The following CNTNAP2 variants were observed in gnomAD, a reference collection of about 807,000 sequenced individuals.
CNTNAP2 encodes the protein contactin associated protein 2.
In CNTNAP2, 98 loss-of-function variants were observed where a neutral mutation model predicts 155.2. The ratio of observed to expected loss-of-function variants is 0.63; its 90% CI spans 0.54 to 0.75. The LOEUF is 0.75. Ranked by LOEUF, CNTNAP2 falls within the 30% of genes least tolerant of loss-of-function variation. The probability of loss-of-function intolerance (pLI) is 0.00; values close to 1 mark genes in which losing one functional copy is unlikely to be tolerated. For synonymous variants in CNTNAP2, 651 were observed against 631.2 expected (o/e 1.03, Z -0.47); for missense variants, 1,727 against 1,688.1 (o/e 1.02, Z -0.40).
chr7:147,597,411 C>T (rs1440263166), intron 12 of CNTNAP2, among the ~76,000 whole-genome samples: 4 of 152,166 alleles, frequency 2.6e-5, no homozygotes. Flanking sequence ...CATGTTCACC[C>T]TAAGGAGATC....
At chr7:148,271,217 A>T (rs550324056) in intron 21 of CNTNAP2, among the ~76,000 whole-genome samples, 64 of 152,342 alleles carry the variant, frequency 4.2e-4, no homozygotes, top group South Asian at 1.2e-3. Flanking sequence ...CTCGTTGTAT[A>T]GAATAAGGAG....
rs556396953 is a variant in CNTNAP2 at position 147,864,670 on chromosome 7, A to G, written c.2099-38895A>G. Among the ~76,000 whole-genome samples, 3 of 151,994 alleles carry G rather than the reference A, an allele frequency of 2.0e-5. No individual in the cohort carries two copies. The East Asian group carries it at 5.8e-4, about 29-fold the overall frequency. The stretch of plus-strand genomic sequence containing the variant: ...TCCCTTGTAAGTTGGATTCCTGGGT[A>G]TTTTATTTTCTTTGAAGCAATTGTG... On this transcript the variant is annotated intron_variant, in intron 13 of 23. Coordinates refer to ENST00000361727, the MANE Select transcript of CNTNAP2 (RefSeq NM_014141.6).
At chr7:146,822,839 A>C (rs1455010738) in intron 2 of CNTNAP2, among the ~76,000 whole-genome samples, 1 of 149,630 alleles carries the variant, frequency 6.7e-6, no homozygotes, top group Non-Finnish European at 1.5e-5. Flanking sequence ...ATATAAATAT[A>C]CTCGTTCTTC....
chr7:146,952,037 A>C (rs937287889), intron 3 of CNTNAP2, among the ~76,000 whole-genome samples: 4 of 152,150 alleles, frequency 2.6e-5, no homozygotes, highest in African/African-American at 9.7e-5. Context: ...TCAATAAAAT[A>C]CTGGCAAACC....
intron 13 of CNTNAP2, among the ~76,000 whole-genome samples, chr7:147,791,811 T>C (rs896112241): frequency 1.3e-5 from 2 of 152,124 alleles, no homozygotes; most frequent in East Asian, 1.9e-4. Flanking sequence ...TTCAGGAACA[T>C]GCGCCATACA....
rs887076742 is a variant in CNTNAP2 at position 148,406,510 on chromosome 7, T to C, written c.3716-2881T>C. Among the ~76,000 whole-genome samples, 5 of 152,214 alleles carry C rather than the reference T, an allele frequency of 3.3e-5. No homozygotes were observed. The East Asian group carries it at 9.6e-4, about 29-fold the overall frequency. ...AAACTGTCTGCAAGCTGGGACTTCC[T>C]CAACCCTTCAACTCCTTGTCCCTTT... On this transcript the variant is annotated intron_variant, in intron 22 of 23. Coordinates refer to ENST00000361727, the MANE Select transcript of CNTNAP2 (RefSeq NM_014141.6).
chr7:146,509,546 G>C (rs1797435172), intron 1 of CNTNAP2, among the ~76,000 whole-genome samples: 1 of 152,094 alleles, frequency 6.6e-6, no homozygotes, highest in South Asian at 2.1e-4. Flanking sequence ...CCACCCCTGG[G>C]GCCTCAATGA....
intron 13 of CNTNAP2, among the ~76,000 whole-genome samples, chr7:147,640,731 CAAGA>C (rs202160724): frequency 0.016 from 2,408 of 151,904 alleles, 204 homozygotes; most frequent in Admixed American, 0.14. Flanking sequence ...GTTTAACAGG[CAAGA>C]AAGAAGGAAG....
chr7:147,716,423 G>A (rs1796482184), intron 13 of CNTNAP2, among the ~76,000 whole-genome samples: 1 of 152,026 alleles, frequency 6.6e-6, no homozygotes, highest in South Asian at 2.1e-4. Context: ...TCTACATAGG[G>A]CACAAAAAAA....
At chr7:148,111,487 C>A (rs1489305497) in intron 15 of CNTNAP2, among the ~76,000 whole-genome samples, 1 of 150,614 alleles carries the variant, frequency 6.6e-6, no homozygotes. Context: ...GAGGAAATTT[C>A]CAAAGAAGTA....
chr7:146,312,721 C>T (rs1251457469), intron 1 of CNTNAP2, among the ~76,000 whole-genome samples: 1 of 152,172 alleles, frequency 6.6e-6, no homozygotes, highest in Non-Finnish European at 1.5e-5. Context: ...TCTCTTCCCT[C>T]CACTCCTAGT....
At chr7:148,110,779 A>G (rs1804332060) in intron 15 of CNTNAP2, among the ~76,000 whole-genome samples, 1 of 152,088 alleles carries the variant, frequency 6.6e-6, no homozygotes, top group Non-Finnish European at 1.5e-5. Context: ...TGACTGTCCT[A>G]CTCTACCCAT....
intron 13 of CNTNAP2, among the ~76,000 whole-genome samples, chr7:147,732,024 A>T (rs1056584717): frequency 6.6e-6 from 1 of 151,590 alleles, no homozygotes; most frequent in Admixed American, 6.6e-5. Context: ...CCAGATGAGC[A>T]AAGAAATTGG....
Position 147,562,180 on chromosome 7 carries a change from A to G in CNTNAP2, c.1820A>G (p.Gln607Arg), listed in dbSNP as rs1345972047. The G allele has an allele frequency of 1.2e-6, 2 of 1,614,028 alleles. No homozygotes were observed. Among genetic ancestry groups the G allele is most frequent in the South Asian group, 1.1e-5 (1 of 91,088 alleles). ...PSCEAYKHLG[Q>R]TSNYYWIDPD... ...TGTGAAGCCTACAAACACCTAGGACAGACATCAAATTATTACTGGATAGAT... is the reference window on the plus strand; with the variant it reads ...TGTGAAGCCTACAAACACCTAGGACGGACATCAAATTATTACTGGATAGAT... Residue 607 changes from glutamine to arginine, a missense_variant, in exon 12 of 24, where the codon CAG becomes CGG. Physicochemically the swap from Gln to Arg is conservative, Grantham distance 43. Transcript: ENST00000361727.
At chr7:147,448,746 T>G (rs1464164602) in intron 10 of CNTNAP2, among the ~76,000 whole-genome samples, 5 of 152,012 alleles carry the variant, frequency 3.3e-5, no homozygotes, top group African/African-American at 7.2e-5. Context: ...ATCTGAAAAT[T>G]TATACTTATG....
chr7:147,831,102 T>G (rs1477568570), intron 13 of CNTNAP2, among the ~76,000 whole-genome samples: 1 of 152,104 alleles, frequency 6.6e-6, no homozygotes, highest in Non-Finnish European at 1.5e-5. Context: ...TGCCTGGTAA[T>G]ATGAGAACAA....
At chr7:147,277,932 T>C (rs533257500) in intron 8 of CNTNAP2, among the ~76,000 whole-genome samples, 7 of 151,964 alleles carry the variant, frequency 4.6e-5, no homozygotes, top group African/African-American at 1.7e-4. Flanking sequence ...TTTCAACTGG[T>C]ACCTCTGGTC....
chr7:147,182,562 A>G (rs562940900), intron 8 of CNTNAP2, among the ~76,000 whole-genome samples: 2 of 152,082 alleles, frequency 1.3e-5, no homozygotes, highest in East Asian at 3.9e-4. Flanking sequence ...TTCCATATTT[A>G]CTCTCTATTC....
intron 8 of CNTNAP2, among the ~76,000 whole-genome samples, chr7:147,180,959 C>A (rs774692239): frequency 5.3e-5 from 8 of 152,090 alleles, no homozygotes; most frequent in Non-Finnish European, 1.0e-4. Flanking sequence ...AATTGCATTT[C>A]TATAACAAAC....
Sources: gnomAD v4.1 joint callset for allele counts (sites outside exome capture counted in the v4.1 genomes callset) on GRCh38, gnomAD v4.1.1 for gene constraint, MANE v1.5 for transcripts, NCBI Gene and HGNC (gene_info 2026-07-23, HGNC 2026-07-21) for gene names.